ARHGAP15: variants seen among roughly 807,000 people sequenced by gnomAD.
ARHGAP15 encodes the protein rho GTPase-activating protein 15.
In ARHGAP15, 51 loss-of-function variants were observed where a neutral mutation model predicts 63.7. The ratio of observed to expected loss-of-function variants is 0.80; its 90% CI spans 0.64 to 1.01. The LOEUF (loss-of-function observed/expected upper bound fraction) is 1.01. Ranked by LOEUF, ARHGAP15 falls within the 50% of genes least tolerant of loss-of-function variation. The probability of loss-of-function intolerance (pLI) is 0.00; values close to 1 mark genes in which losing one functional copy is unlikely to be tolerated. For missense variants in ARHGAP15, 560 were observed against 564.6 expected, an observed-to-expected ratio of 0.99 and a Z score of 0.08; for synonymous variants, 191 against 193.8, an observed-to-expected ratio of 0.99 and a Z score of 0.12.
intron 6 of ARHGAP15, among the ~76,000 whole-genome samples, chr2:143,325,632 C>T (rs1684214777): frequency 6.6e-6 from 1 of 152,088 alleles, no homozygotes; most frequent in African/African-American, 2.4e-5. Context: ...TGAATTAAAA[C>T]TTTTGGGAGC....
At chr2:143,757,929 T>C (rs79034607) in intron 13 of ARHGAP15, among the ~76,000 whole-genome samples, 2,695 of 151,976 alleles carry the variant, frequency 0.018, 47 homozygotes, top group Middle Eastern at 0.051. Context: ...AACACAAGAA[T>C]TGGGAGAATG....
intron 9 of ARHGAP15, chr2:143,518,941 A>G (rs1693940794): frequency 1.0e-5 from 2 of 198,830 alleles, no homozygotes; most frequent in East Asian, 2.9e-4. Flanking sequence ...CACTAAGATA[A>G]ATTATTTTGC....
At chr2:143,153,913 T>A (rs1285674126) in intron 1 of ARHGAP15, among the ~76,000 whole-genome samples, 1 of 140,700 alleles carries the variant, frequency 7.1e-6, no homozygotes, top group Non-Finnish European at 1.5e-5. Context: ...TTCCTCTTCT[T>A]TTTTTTTCGG....
intron 6 of ARHGAP15, among the ~76,000 whole-genome samples, chr2:143,330,678 G>A (rs1037944471): frequency 1.3e-5 from 2 of 152,128 alleles, no homozygotes; most frequent in African/African-American, 2.4e-5. Flanking sequence ...TTCTAATTCA[G>A]TTTGTCCTTA....
At chr2:143,445,153 ATTTTTTTTTTT>A in intron 8 of ARHGAP15, among the ~76,000 whole-genome samples, 1 of 74,458 alleles carries the variant, frequency 1.3e-5, no homozygotes, top group East Asian at 4.9e-4. Context: ...AAGAACAATT[ATTTTTTTTTTT>A]TTTTTTTTTT....
intron 6 of ARHGAP15, among the ~76,000 whole-genome samples, chr2:143,308,597 G>C (rs1683289612): frequency 6.6e-6 from 1 of 151,976 alleles, no homozygotes; most frequent in South Asian, 2.1e-4. Flanking sequence ...GGCATGTATA[G>C]ATTGTTTTAA....
At chr2:143,628,624 T>C (rs1389202309) in intron 12 of ARHGAP15, among the ~76,000 whole-genome samples, 3 of 152,144 alleles carry the variant, frequency 2.0e-5, no homozygotes, top group Non-Finnish European at 4.4e-5. Context: ...TCAGCTCCCA[T>C]CTGGTGACAC....
chr2:143,215,861 T>A (rs1406936686), intron 3 of ARHGAP15, among the ~76,000 whole-genome samples: 1 of 152,202 alleles, frequency 6.6e-6, no homozygotes, highest in East Asian at 1.9e-4. Context: ...TGGAAGAAGA[T>A]AATGAGATAC....
At chr2:143,707,278 CCA>C (rs1265458098) in intron 13 of ARHGAP15, among the ~76,000 whole-genome samples, 1 of 152,122 alleles carries the variant, frequency 6.6e-6, no homozygotes, top group East Asian at 1.9e-4. Context: ...AAGGAAAAGT[CCA>C]CACAGTTTTC....
chr2:143,165,948 A>AAGAGAGAG (rs1320928120), intron 2 of ARHGAP15, among the ~76,000 whole-genome samples: 1 of 115,740 alleles, frequency 8.6e-6, no homozygotes, highest in East Asian at 2.5e-4. Flanking sequence ...GAAAAGAAGA[A>AAGAGAGAG]AGAAAGAAAG....
chr2:143,134,872 C>T (rs553211189), intron 1 of ARHGAP15, among the ~76,000 whole-genome samples: 3 of 152,062 alleles, frequency 2.0e-5, no homozygotes, highest in Admixed American at 1.3e-4. Context: ...CTCCTGACCT[C>T]GTGATCTGCC....
At chr2:143,633,171 G>A (rs1680138685) in intron 12 of ARHGAP15, among the ~76,000 whole-genome samples, 1 of 152,118 alleles carries the variant, frequency 6.6e-6, no homozygotes, top group Non-Finnish European at 1.5e-5. Flanking sequence ...TATTTTTGTT[G>A]TGGTTGCTTT....
chr2:143,620,288 A>T (rs573749341), intron 11 of ARHGAP15, among the ~76,000 whole-genome samples: 6 of 151,852 alleles, frequency 4.0e-5, no homozygotes, highest in African/African-American at 1.2e-4. Flanking sequence ...TCTTTTTCCT[A>T]CTCTATCATA....
In ARHGAP15 at chr2:143,658,171, G is replaced by A. The variant is rs1430195555; in HGVS notation, c.1138+33904G>A. On this transcript the variant is annotated intron_variant, in intron 12 of 13. Transcript: ENST00000295095. ...TTCTCTGGCCATTAAAATGATGGTT[G>A]CAATTATTGAACATCTACTTCATGA... 3.9e-5 allele frequency among the ~76,000 whole-genome samples: 6 copies of A among 152,134 alleles called. No individual in the cohort carries two copies. The East Asian group carries it at 9.6e-4, about 24-fold the overall frequency.
intron 8 of ARHGAP15, among the ~76,000 whole-genome samples, chr2:143,447,597 A>C (rs1690203250): frequency 1.3e-5 from 2 of 152,164 alleles, no homozygotes; most frequent in Non-Finnish European, 2.9e-5. Context: ...ATTAGACTGC[A>C]AGTGCCTGGA....
intron 6 of ARHGAP15, among the ~76,000 whole-genome samples, chr2:143,387,205 G>A (rs531852765): frequency 6.6e-6 from 1 of 152,240 alleles, no homozygotes; most frequent in South Asian, 2.1e-4. Context: ...AAAGAGTTCA[G>A]ATAGTGATTG....
At chr2:143,413,792 G>A (rs1233993528) in intron 6 of ARHGAP15, among the ~76,000 whole-genome samples, 1 of 152,034 alleles carries the variant, frequency 6.6e-6, no homozygotes, top group Admixed American at 6.6e-5. Context: ...GCTTTTCAAT[G>A]CAGAATGCCT....
At chr2:143,434,346 G>C (rs1689516460) in intron 6 of ARHGAP15, among the ~76,000 whole-genome samples, 1 of 151,996 alleles carries the variant, frequency 6.6e-6, no homozygotes, top group African/African-American at 2.4e-5. Flanking sequence ...AATCTCTATA[G>C]AGTTTTTCTA....
At chr2:143,348,837 C>G (rs911540673) in intron 6 of ARHGAP15, among the ~76,000 whole-genome samples, 2 of 152,130 alleles carry the variant, frequency 1.3e-5, no homozygotes, top group Non-Finnish European at 2.9e-5. Flanking sequence ...GCTGAAAATG[C>G]CAGATCCTTT....
Sources: allele counts gnomAD v4.1 joint callset (sites outside exome capture counted in the v4.1 genomes callset), GRCh38; gene constraint gnomAD v4.1.1; transcripts MANE v1.5; gene names NCBI Gene and HGNC (gene_info 2026-07-23, HGNC 2026-07-21).